Variants in CSPP1 observed in about 807,000 individuals in gnomAD.
CSPP1 encodes the protein centrosome and spindle pole-associated protein 1.
A neutral mutation model predicts 164.4 loss-of-function variants in CSPP1; 126 were observed. That is an observed-to-expected ratio of 0.77 (90% CI 0.66 to 0.89). The LOEUF (loss-of-function observed/expected upper bound fraction) is 0.89, where lower values mean the gene tolerates loss of function less well. Ranked by LOEUF, CSPP1 falls within the 40% of genes least tolerant of loss-of-function variation. The pLI, the probability that CSPP1 is intolerant of heterozygous loss-of-function variation, is 0.00. For synonymous variants in CSPP1, 472 were observed against 476.7 expected (o/e 0.99, Z 0.13); for missense variants, 1,395 against 1,449.8 (o/e 0.96, Z 0.61).
intron 16 of CSPP1, among the ~76,000 whole-genome samples, chr8:67,136,808 G>A (rs1174689844): frequency 1.3e-5 from 2 of 151,840 alleles, no homozygotes; most frequent in East Asian, 3.9e-4. Context: ...GGAACGTAGG[G>A]AGATCTGATG....
At chr8:67,070,355 C>T (rs1402409589) in intron 1 of CSPP1, among the ~76,000 whole-genome samples, 3 of 150,308 alleles carry the variant, frequency 2.0e-5, no homozygotes, top group Admixed American at 6.7e-5. Flanking sequence ...CTCAGCTACT[C>T]GGGAGGCTGA....
intron 29 of CSPP1, among the ~76,000 whole-genome samples, chr8:67,191,767 A>G (rs1199246621): frequency 1.3e-5 from 2 of 152,186 alleles, no homozygotes; most frequent in East Asian, 3.8e-4. Flanking sequence ...GAATATATAT[A>G]CCTAGAAGGA....
chr8:67,153,058 C>G (rs1563690357), intron 18 of CSPP1, among the ~76,000 whole-genome samples: 1 of 152,012 alleles, frequency 6.6e-6, no homozygotes, highest in Non-Finnish European at 1.5e-5. Context: ...AAAAATTAGC[C>G]AGGCATGGTG....
At chr8:67,163,566 G>A (rs888853011) in intron 22 of CSPP1, among the ~76,000 whole-genome samples, 166 bp from the exon 23 acceptor site, 3 of 152,026 alleles carry the variant, frequency 2.0e-5, no homozygotes, top group Non-Finnish European at 4.4e-5. Context: ...AGATATAAAA[G>A]GTGGATATAC....
At chr8:67,188,286 T>A (rs1213322955) in intron 28 of CSPP1, among the ~76,000 whole-genome samples, 5 of 152,214 alleles carry the variant, frequency 3.3e-5, no homozygotes, top group African/African-American at 1.2e-4. Flanking sequence ...GAGACAGGAC[T>A]AGCTGGATTT....
intron 27 of CSPP1, among the ~76,000 whole-genome samples, chr8:67,178,933 A>G (rs761434377): frequency 2.0e-5 from 3 of 152,148 alleles, no homozygotes; most frequent in African/African-American, 4.8e-5. Flanking sequence ...TACTTGATCC[A>G]CTGACTGCTG....
chr8:67,076,398 C>A, intron 2 of CSPP1, 84 bp from the exon 3 acceptor site: 2 of 656,176 alleles, frequency 3.0e-6, no homozygotes, highest in Non-Finnish European at 5.1e-6. Context: ...TTTCATCAAG[C>A]TGTTTAATTA....
rs188429626 is a variant in CSPP1 at position 67,118,147 on chromosome 8, A to G, written c.1497-101A>G. 41 of 1,235,282 alleles carry G rather than the reference A, an allele frequency of 3.3e-5. No individual in the cohort carries two copies. In the Admixed American group the frequency reaches 7.9e-4, roughly 24 times the overall value. 76.5% of individuals were successfully genotyped at this position (1,235,282 alleles called of 1,614,324 possible). A position where few individuals can be genotyped will look rare whatever the true frequency, so the allele number is the denominator to read the frequency against. ...GATGGTGACATTTTCTAAAGTAGTG[A>G]TAGGATTTTCAGTACTGTTTTTGCA... On this transcript the variant is annotated intron_variant, in intron 13 of 30. Transcript: ENST00000678616.
rs747726160 is a variant in CSPP1, at chr8:67,095,774, AAATT to A, written c.923+47_923+50del. 8.6e-6 allele frequency: 10 copies of A among 1,160,964 alleles called. No individual in the cohort carries two copies. In the East Asian group the frequency reaches 1.4e-4, roughly 17 times the overall value. The allele number at this position is 1,160,964 out of a possible 1,614,324, so 71.9% of individuals were successfully genotyped here. On this transcript the variant is annotated intron_variant, in intron 7 of 30. Transcript: ENST00000678616. ...TTTTATTTTATTTGCTTAATATAGC[AAATT>A]AATTGTTAATATTTGCTGTTGTTAC...
chr8:67,089,140 A>T (rs57320208), intron 4 of CSPP1, among the ~76,000 whole-genome samples: 30,762 of 151,786 alleles, frequency 0.2, 3,706 homozygotes, highest in East Asian at 0.37. Flanking sequence ...TTGAGTTTTT[A>T]AAAAAAATCA....
Position 67,159,907 on chromosome 8 carries a change from TCTTTCTTTCTTTCTTTC to T in CSPP1, c.2538+776_2538+792del, listed in dbSNP as rs1213530121. Among the ~76,000 whole-genome samples, 20 of 69,652 alleles carry T rather than the reference TCTTTCTTTCTTTCTTTC, an allele frequency of 2.9e-4. 1 individual carries two copies. The highest frequency in any genetic ancestry group is 1.5e-3 in the East Asian group (4 of 2,632). 45.7% of individuals were successfully genotyped at this position (69,652 alleles called of 152,430 possible). A position where few individuals can be genotyped will look rare whatever the true frequency, so the allele number is the denominator to read the frequency against. On this transcript the variant is annotated intron_variant, in intron 21 of 30. Transcript: ENST00000678616. ...TTCTTTCTTTCTTTCTTTCTTTCTT[TCTTTCTTTCTTTCTTTC>T]CTTTCCTTCCTTCCTTCCTTCCTTC...
intron 19 of CSPP1, among the ~76,000 whole-genome samples, chr8:67,155,381 A>C (rs1336683250): frequency 1.3e-5 from 2 of 152,206 alleles, no homozygotes; most frequent in African/African-American, 4.8e-5. Context: ...CCTAACATTT[A>C]AGGTTTTATA....
intron 9 of CSPP1, among the ~76,000 whole-genome samples, chr8:67,109,430 ATC>A (rs778154370): frequency 1.4e-4 from 22 of 152,154 alleles, no homozygotes; most frequent in Non-Finnish European, 3.1e-4. Flanking sequence ...ACCTAAGATA[ATC>A]TCTCTTTTAA....
At chr8:67,178,795 G>C (rs1249519750) in intron 27 of CSPP1, among the ~76,000 whole-genome samples, 2 of 152,218 alleles carry the variant, frequency 1.3e-5, no homozygotes, top group South Asian at 2.1e-4. Flanking sequence ...ACATGGGGCA[G>C]GGGGTGACGA....
At chr8:67,070,714 T>C (rs1806573807) in intron 1 of CSPP1, among the ~76,000 whole-genome samples, 1 of 143,738 alleles carries the variant, frequency 7.0e-6, no homozygotes, top group South Asian at 2.1e-4. Flanking sequence ...GCTAAAACTA[T>C]ATATGTAAAT....
intron 5 of CSPP1, 83 bp from the exon 6 acceptor site, chr8:67,093,460 G>C: frequency 1.3e-6 from 1 of 790,070 alleles, no homozygotes; most frequent in Non-Finnish European, 2.1e-6. Context: ...GTATGATTCA[G>C]ATTTGACATT....
intron 16 of CSPP1, chr8:67,134,548 C>T (rs917279445): frequency 2.9e-5 from 4 of 138,122 alleles, no homozygotes; most frequent in Non-Finnish European, 6.2e-5. Context: ...GATTTAGCAT[C>T]ATCTTTTTTT....
chr8:67,172,127 G>C (rs921617661), intron 24 of CSPP1, among the ~76,000 whole-genome samples: 6 of 151,420 alleles, frequency 4.0e-5, no homozygotes, highest in African/African-American at 1.2e-4. Flanking sequence ...GGGATTATAG[G>C]CATGAGACAC....
At chr8:67,166,739 T>C (rs1187038895) in intron 24 of CSPP1, among the ~76,000 whole-genome samples, 1 of 152,188 alleles carries the variant, frequency 6.6e-6, no homozygotes, top group African/African-American at 2.4e-5. Flanking sequence ...TTTTTTTTTT[T>C]TTTAATTGAT....
Sources: allele counts gnomAD v4.1 joint callset (sites outside exome capture counted in the v4.1 genomes callset), GRCh38; gene constraint gnomAD v4.1.1; transcripts MANE v1.5; gene names NCBI Gene and HGNC (gene_info 2026-07-23, HGNC 2026-07-21).